Variants in GRM7 observed in about 807,000 individuals in gnomAD.
GRM7 encodes metabotropic glutamate receptor 7.
Under a neutral mutation model 84.5 loss-of-function variants are expected in GRM7, and 35 were observed. That is an observed-to-expected ratio of 0.41 (90% CI 0.32 to 0.55). The LOEUF (loss-of-function observed/expected upper bound fraction) is 0.55. Among genes scored for constraint, GRM7 ranks in the 20% least tolerant of loss-of-function variants. The probability of loss-of-function intolerance (pLI) is 0.19; values close to 1 mark genes in which losing one functional copy is unlikely to be tolerated. For missense variants in GRM7, 1,003 were observed against 1,194.6 expected (o/e 0.84, Z 2.36); for synonymous variants, 487 against 455.1 (o/e 1.07, Z -0.89).
chr3:7,303,278 A>G (rs1700072581), intron 3 of GRM7, among the ~76,000 whole-genome samples: 1 of 152,188 alleles, frequency 6.6e-6, no homozygotes, highest in Non-Finnish European at 1.5e-5. Flanking sequence ...ATACATAAAA[A>G]AACTAAAATA....
At position 7,023,097 on chromosome 3, in the gene GRM7, CA is replaced by C. The variant is rs553325363; in HGVS notation, c.520-123351del. ...GGCGAATGGTGGAGTCGCACAGGAA[CA>C]AAAGTTGTCTCATTATGCAGATAGA... On this transcript the variant is annotated intron_variant, in intron 1 of 9. Coordinates refer to ENST00000357716, the MANE Select transcript of GRM7 (RefSeq NM_000844.4). 3.6e-4 allele frequency among the ~76,000 whole-genome samples: 55 copies of C among 152,122 alleles called. 2 individuals carry two copies. The South Asian group carries it at 0.011, about 30-fold the overall frequency.
At chr3:7,633,075 C>G (rs1012997911) in intron 8 of GRM7, among the ~76,000 whole-genome samples, 4 of 152,228 alleles carry the variant, frequency 2.6e-5, no homozygotes, top group African/African-American at 9.6e-5. Context: ...ATATTTGGTG[C>G]TGGGATGTAA....
intron 9 of GRM7, among the ~76,000 whole-genome samples, chr3:7,682,537 T>C (rs998687310): frequency 8.4e-5 from 11 of 130,718 alleles, no homozygotes; most frequent in African/African-American, 3.9e-4. Flanking sequence ...GCTTTATTTT[T>C]GTACACACAC....
chr3:7,225,313 G>T (rs1350255582), intron 2 of GRM7, among the ~76,000 whole-genome samples: 2 of 149,948 alleles, frequency 1.3e-5, no homozygotes, highest in Non-Finnish European at 3.0e-5. Context: ...CTCAAACTCA[G>T]CAGCATTGGG....
At chr3:7,284,312 G>A (rs1575119181) in intron 2 of GRM7, among the ~76,000 whole-genome samples, 2 of 76,704 alleles carry the variant, frequency 2.6e-5, no homozygotes, top group Non-Finnish European at 3.6e-5. Context: ...GTGTGTGTGT[G>A]TATATACATG....
intron 2 of GRM7, among the ~76,000 whole-genome samples, chr3:7,161,292 T>C (rs549994441): frequency 5.6e-4 from 85 of 152,126 alleles, no homozygotes; most frequent in African/African-American, 1.9e-3. Flanking sequence ...TATAAACAAA[T>C]TGGGGCCATT....
chr3:7,594,182 G>T (rs1695927759), intron 8 of GRM7, among the ~76,000 whole-genome samples: 1 of 152,118 alleles, frequency 6.6e-6, no homozygotes, highest in Non-Finnish European at 1.5e-5. Context: ...ATCTGAGATA[G>T]TTCCCAGATA....
chr3:7,355,013 T>C (rs535185253), intron 4 of GRM7, among the ~76,000 whole-genome samples: 1 of 152,278 alleles, frequency 6.6e-6, no homozygotes, highest in South Asian at 2.1e-4. Flanking sequence ...ATTAATGACA[T>C]GCTGACTGGA....
rs535971185 is a variant in GRM7 at position 6,983,038 on chromosome 3, G to T, written c.519+121131G>T. Among the ~76,000 whole-genome samples the T allele has an allele frequency of 3.2e-4, 49 of 152,272 alleles. No homozygotes were observed. In the South Asian group the frequency reaches 9.5e-3, roughly 30 times the overall value. ...CCATGGCTTTTGAAGAAAAAAATAT[G>T]CAGTAGGCGAAGATATTTTTGAATT... On this transcript the variant is annotated intron_variant, in intron 1 of 9. Transcript: ENST00000357716.
At chr3:7,373,656 GAA>G (rs1459286120) in intron 4 of GRM7, among the ~76,000 whole-genome samples, 1 of 152,168 alleles carries the variant, frequency 6.6e-6, no homozygotes, top group African/African-American at 2.4e-5. Context: ...TAAGGAGAAA[GAA>G]AATAAAATGA....
At chr3:7,418,930 T>C (rs1257161784) in intron 5 of GRM7, among the ~76,000 whole-genome samples, 2 of 152,304 alleles carry the variant, frequency 1.3e-5, no homozygotes, top group African/African-American at 2.4e-5. Flanking sequence ...GAAGTGAGAA[T>C]AGTAAAACCT....
chr3:7,166,706 C>T (rs550449995), intron 2 of GRM7, among the ~76,000 whole-genome samples: 5 of 152,296 alleles, frequency 3.3e-5, no homozygotes, highest in East Asian at 1.9e-4. Context: ...TGCTTATTAA[C>T]GAACAGATGC....
At chr3:6,936,349 A>AAGTT (rs1426241871) in intron 1 of GRM7, among the ~76,000 whole-genome samples, 14 of 152,152 alleles carry the variant, frequency 9.2e-5, no homozygotes, top group African/African-American at 3.4e-4. Context: ...GTTTTCCAAT[A>AAGTT]AGTTCCAAAG....
chr3:6,953,338 C>G (rs1191857462), intron 1 of GRM7, among the ~76,000 whole-genome samples: 11 of 152,216 alleles, frequency 7.2e-5, no homozygotes. Flanking sequence ...TTGGCAAGAT[C>G]TAGATGCAGG....
chr3:7,057,385 A>G (rs2124964163), intron 1 of GRM7, among the ~76,000 whole-genome samples: 1 of 152,012 alleles, frequency 6.6e-6, no homozygotes, highest in Non-Finnish European at 1.5e-5. Context: ...AAGTAATGCA[A>G]TGGTTATCTC....
chr3:7,595,065 G>C (rs747139300), intron 8 of GRM7, among the ~76,000 whole-genome samples: 59 of 152,098 alleles, frequency 3.9e-4, no homozygotes, highest in Admixed American at 1.4e-3. Flanking sequence ...TTGATTGATT[G>C]ATTCATTCAT....
At position 7,363,084 on chromosome 3, in the gene GRM7, A is replaced by G. The variant is rs572275793; in HGVS notation, c.1034-51939A>G. ...ATGCAGTGAGCTATATGATCACACC[A>G]CTGCACTTCAACCTGGGCTATAGAG... is the stretch of plus-strand genomic sequence containing the variant. On this transcript the variant is annotated intron_variant, in intron 4 of 9. Coordinates refer to ENST00000357716, the MANE Select transcript of GRM7 (RefSeq NM_000844.4). 5.9e-5 allele frequency among the ~76,000 whole-genome samples: 9 copies of G among 152,206 alleles called. No homozygotes were observed. The South Asian group carries it at 1.9e-3, about 32-fold the overall frequency.
intron 5 of GRM7, among the ~76,000 whole-genome samples, chr3:7,440,472 A>G (rs1247474837): frequency 1.3e-5 from 2 of 152,204 alleles, no homozygotes; most frequent in Non-Finnish European, 2.9e-5. Flanking sequence ...ACATACAACT[A>G]GAGATAAAAT....
At chr3:6,945,555 T>A (rs1374869928) in intron 1 of GRM7, among the ~76,000 whole-genome samples, 2 of 152,188 alleles carry the variant, frequency 1.3e-5, no homozygotes, top group Non-Finnish European at 2.9e-5. Context: ...CAGCATGATT[T>A]ATAATCCTTT....
Sources: gnomAD v4.1 joint callset for allele counts (sites outside exome capture counted in the v4.1 genomes callset) on GRCh38, gnomAD v4.1.1 for gene constraint, MANE v1.5 for transcripts, NCBI Gene and HGNC (gene_info 2026-07-23, HGNC 2026-07-21) for gene names.